RECQL5: variants seen among roughly 807,000 people sequenced by gnomAD.
The protein encoded by RECQL5 is RecQ like helicase 5.
RECQL5 carries 88 observed loss-of-function variants against 103.4 expected under a neutral mutation model. The ratio of observed to expected loss-of-function variants is 0.85; its 90% CI spans 0.72 to 1.02. The LOEUF is 1.02. Among genes scored for constraint, RECQL5 ranks in the 50% least tolerant of loss-of-function variants. The probability of loss-of-function intolerance (pLI) is 0.00; values close to 1 mark genes in which losing one functional copy is unlikely to be tolerated. For missense variants in RECQL5, 1,232 were observed against 1,284.3 expected, an observed-to-expected ratio of 0.96 and a Z score of 0.62; for synonymous variants, 552 against 507.9, an observed-to-expected ratio of 1.09 and a Z score of -1.17.
At chr17:75,631,963 TC>T (rs1156736145) in intron 8 of RECQL5, among the ~76,000 whole-genome samples, 1 of 152,202 alleles carries the variant, frequency 6.6e-6, no homozygotes, top group African/African-American at 2.4e-5. Context: ...CTCCCCTCTG[TC>T]CTCTGGCAAT....
intron 6 of RECQL5, among the ~76,000 whole-genome samples, chr17:75,659,467 C>A (rs1202039439): frequency 6.6e-6 from 1 of 152,198 alleles, no homozygotes; most frequent in Non-Finnish European, 1.5e-5. Context: ...AGCAATCCTT[C>A]CACCTCGGCT....
chr17:75,630,983 C>A lies in RECQL5; in HGVS notation c.1576G>T (p.Val526Leu), dbSNP rs765692918. ...ACATTTCTGTACTGACCTGGGGGTA[C>A]AAATTCTTCTATCTTGGGGTCTTTG... ...KGKDPKIEEF[V>L]PPDENCPLKE... The change falls in exon 11 of 20, where the codon GTA becomes TTA. Residue 526 changes from valine to leucine, a missense_variant. Val to Leu is a conservative substitution (Grantham distance 32). Transcript: ENST00000317905. 1 of 1,613,872 alleles carries A rather than the reference C, an allele frequency of 6.2e-7. No individual in the cohort carries two copies. Among genetic ancestry groups the A allele is most frequent in the South Asian group, 1.1e-5 (1 of 91,040 alleles).
In RECQL5 at chr17:75,636,416, T is replaced by A. The variant is rs1196095452; in HGVS notation, c.1230-4748A>T. On this transcript the variant is annotated intron_variant, in intron 8 of 19. Coordinates refer to ENST00000317905, the MANE Select transcript of RECQL5 (RefSeq NM_004259.7). This position sits in a 1 kb window ranked among gnomAD's most constrained non-coding sequence, Gnocchi z 5.4. ...GGATCATCAGTAGCCCTCCTGGGCT[T>A]CCCTGCCTTCCTCCTGCCAAACCTA... is the stretch of plus-strand genomic sequence containing the variant. 6.6e-6 allele frequency among the ~76,000 whole-genome samples: 1 copy of A among 152,158 alleles called. No homozygotes were observed. Among genetic ancestry groups the A allele is most frequent in the Non-Finnish European group, 1.5e-5 (1 of 68,002 alleles).
chr17:75,649,556 C>A, intron 8 of RECQL5: 1 of 917,540 alleles, frequency 1.1e-6, no homozygotes, highest in Non-Finnish European at 1.3e-6. Flanking sequence ...GTGCCCGCCC[C>A]AAGGGATCGC....
intron 8 of RECQL5, chr17:75,633,673 G>C (rs2059264038): frequency 1.7e-6 from 2 of 1,163,252 alleles, no homozygotes. Flanking sequence ...GACCAGCCAG[G>C]GAGTGGCCAG....
intron 6 of RECQL5, among the ~76,000 whole-genome samples, chr17:75,658,953 A>G (rs1195317046): frequency 6.6e-6 from 1 of 152,240 alleles, no homozygotes; most frequent in African/African-American, 2.4e-5. Flanking sequence ...AAGGTTACAC[A>G]GTAAAGGGTC....
At position 75,627,354 on chromosome 17, in the gene RECQL5, G is replaced by T; in HGVS notation, c.*68C>A. 8.4e-7 allele frequency: 1 copy of T among 1,195,854 alleles called. No individual in the cohort carries two copies. The highest frequency in any genetic ancestry group is 2.3e-5 in the East Asian group (1 of 42,870). 74.1% of individuals were successfully genotyped at this position (1,195,854 alleles called of 1,614,324 possible). ...AAAGACGATGGCCCTGGCATCAGCA[G>T]GTGAGGCCCAGGATGACCCATGCTA... is the stretch of plus-strand genomic sequence containing the variant. On this transcript the variant is annotated 3_prime_UTR_variant, in exon 20 of 20. Transcript: ENST00000317905.
At chr17:75,633,004 G>C (rs1167348694) in intron 8 of RECQL5, among the ~76,000 whole-genome samples, 1 of 152,258 alleles carries the variant, frequency 6.6e-6, no homozygotes, top group African/African-American at 2.4e-5. Flanking sequence ...CAACACCCCG[G>C]TAAGGAAGCA....
Position 75,665,163 on chromosome 17 carries a change from T to C in RECQL5, c.140A>G (p.Asp47Gly), listed in dbSNP as rs933891179. The C allele has an allele frequency of 1.2e-6, 2 of 1,608,730 alleles. No individual in the cohort carries two copies. Among genetic ancestry groups the C allele is most frequent in the East Asian group, 4.5e-5 (2 of 44,768 alleles). Residue 47 changes from aspartate (D) to glycine (G), a missense_variant, in exon 3 of 20, where the codon GAC (aspartate) becomes GGC (glycine). Asp to Gly is a moderately conservative substitution (Grantham distance 94, BLOSUM62 -1). Coordinates refer to ENST00000317905, the MANE Select transcript of RECQL5 (RefSeq NM_004259.7). The part of the protein sequence containing the change: ...ATMAVVKGNK[D>G]VFVCMPTGAG... ...CCCTGTGGGCATGCACACAAAGACG[T>C]CCTTGTTACCTGAAAAAATACAAGA...
intron 8 of RECQL5, chr17:75,650,727 G>A (rs2059544199): frequency 1.2e-6 from 2 of 1,612,304 alleles, no homozygotes; most frequent in Non-Finnish European, 1.7e-6. Context: ...GCCTGCAGAT[G>A]CAGGTAAAAC....
At chr17:75,643,399 G>A (rs1015135180) in intron 8 of RECQL5, among the ~76,000 whole-genome samples, 5 of 152,228 alleles carry the variant, frequency 3.3e-5, no homozygotes, top group South Asian at 2.1e-4. Context: ...TAGGGCAGGC[G>A]GTGAACAACT....
At chr17:75,648,704 A>C (rs1438455885) in intron 8 of RECQL5, among the ~76,000 whole-genome samples, 13 of 108,468 alleles carry the variant, frequency 1.2e-4, no homozygotes, top group South Asian at 2.9e-4. Flanking sequence ...ATGGGGTCTC[A>C]CTCCCATCAC....
chr17:75,634,357 G>T, intron 8 of RECQL5: 3 of 554,988 alleles, frequency 5.4e-6, no homozygotes, highest in Non-Finnish European at 6.9e-6. Flanking sequence ...CCAGCCTCCT[G>T]CACACACCTG....
intron 8 of RECQL5, among the ~76,000 whole-genome samples, chr17:75,645,760 C>T (rs2059481682): frequency 6.6e-6 from 1 of 152,234 alleles, no homozygotes; most frequent in Admixed American, 6.5e-5. Context: ...CATCTGTCAT[C>T]CAACCCTGGC....
At chr17:75,641,082 T>C in intron 8 of RECQL5, 2 of 1,082,366 alleles carry the variant, frequency 1.8e-6, no homozygotes, top group South Asian at 1.8e-5. Flanking sequence ...CTGGTATAGG[T>C]GCAAACCTCT....
intron 8 of RECQL5, 89 bp from the exon 9 acceptor site, chr17:75,631,757 GC>G (rs2059219889): frequency 7.4e-7 from 1 of 1,346,102 alleles, no homozygotes; most frequent in Admixed American, 1.9e-5. Context: ...AGCTGAGCGA[GC>G]ACTGCCGCGT....
At chr17:75,666,599 A>C (rs1331736862) in intron 1 of RECQL5, 28 bp from the exon 2 acceptor site, 6 of 1,598,174 alleles carry the variant, frequency 3.8e-6, no homozygotes, top group Non-Finnish European at 5.1e-6. Flanking sequence ...CAAAGGTAGT[A>C]AAAGGTTGCC....
chr17:75,631,445 C>G lies in RECQL5; in HGVS notation c.1448+5G>C, dbSNP rs1598987826. On this transcript the variant is annotated splice_donor_5th_base_variant and intron_variant, in intron 9 of 19. Transcript: ENST00000317905. ...GGTTGGAGCCCTGGCTTCTCGGCCC[C>G]TTACCTGCTGAAGTCCCCGTAGCCC... 1.2e-6 allele frequency: 2 copies of G among 1,605,560 alleles called. No individual in the cohort carries two copies. Among genetic ancestry groups the G allele is most frequent in the Non-Finnish European group, 1.7e-6 (2 of 1,173,616 alleles).
rs1013217545 is a variant in RECQL5 at position 75,628,952 on chromosome 17, C to G, written c.2471G>C (p.Cys824Ser). 15 of 1,571,606 alleles carry G rather than the reference C, an allele frequency of 9.5e-6. No individual in the cohort carries two copies. Among genetic ancestry groups the G allele is most frequent in the Admixed American group, 2.1e-5 (1 of 48,300 alleles). ...CCCTTACCTTGGCCTCTCCCTGAGG[C>G]ACTCCTCAGTCTGGGGAGGGGCAGG... Reference protein sequence around the residue: ...HSPAPPQTEECLRERPSTCPP... With the variant: ...HSPAPPQTEESLRERPSTCPP... Residue 824 changes from cysteine (C) to serine (S), a missense_variant, in exon 16 of 20, where the codon TGC (cysteine) becomes TCC (serine). Physicochemically the swap from Cys to Ser is moderately radical, Grantham distance 112. Coordinates refer to ENST00000317905, the MANE Select transcript of RECQL5 (RefSeq NM_004259.7).
Sources: allele counts gnomAD v4.1 joint callset (sites outside exome capture counted in the v4.1 genomes callset), GRCh38; gene constraint gnomAD v4.1.1; non-coding constraint Gnocchi (gnomAD v3.1); transcripts MANE v1.5; gene names NCBI Gene and HGNC (gene_info 2026-07-23, HGNC 2026-07-21).